RPS6KC1: variants seen among roughly 807,000 people sequenced by gnomAD.
RPS6KC1 encodes ribosomal protein S6 kinase C1, also known as inactive ribosomal protein S6 kinase delta-1.
RPS6KC1 carries 54 observed loss-of-function variants against 103.8 expected under a neutral mutation model. The observed-to-expected ratio is 0.52, with a 90% CI of 0.42 to 0.65. RPS6KC1 has a LOEUF of 0.65. RPS6KC1 is among the 30% of genes least tolerant of loss of function. RPS6KC1 has a pLI of 0.00. For missense variants in RPS6KC1, 1,151 were observed against 1,253.8 expected (o/e 0.92, Z 1.24); for synonymous variants, 439 against 438.7 (o/e 1.00, Z -0.01).
chr1:213,532,546 T>G, the RPS6KC1 span, among the ~76,000 whole-genome samples: 1 of 152,302 alleles, frequency 6.6e-6, no homozygotes, highest in African/African-American at 2.4e-5. Context: ...AGGTTTCTGC[T>G]TACTAAGAAC....
intron 8 of RPS6KC1, among the ~76,000 whole-genome samples, chr1:213,220,154 C>T (rs186639974): frequency 1.9e-4 from 23 of 119,876 alleles, no homozygotes; most frequent in African/African-American, 5.6e-4. Context: ...TTGTATTAAT[C>T]AGGTTTAAAT....
At chr1:213,220,318 T>C (rs1469719544) in intron 8 of RPS6KC1, among the ~76,000 whole-genome samples, 1 of 152,148 alleles carries the variant, frequency 6.6e-6, no homozygotes, top group Non-Finnish European at 1.5e-5. Context: ...CACAAAAAAA[T>C]TGCATCTGTT....
the RPS6KC1 span, among the ~76,000 whole-genome samples, chr1:213,515,679 G>A: frequency 6.6e-6 from 1 of 152,066 alleles, no homozygotes; most frequent in African/African-American, 2.4e-5. Flanking sequence ...CTCCAGCTTT[G>A]TTCTTTTGGC....
the RPS6KC1 span, among the ~76,000 whole-genome samples, chr1:213,720,225 C>T: frequency 3.3e-5 from 5 of 152,184 alleles, no homozygotes; most frequent in African/African-American, 1.2e-4. Flanking sequence ...GGAGCTGATT[C>T]TTGGACCTGA....
At chr1:213,625,659 T>A in the RPS6KC1 span, among the ~76,000 whole-genome samples, 3 of 152,210 alleles carry the variant, frequency 2.0e-5, no homozygotes, top group African/African-American at 7.2e-5. Context: ...AATTCCCACC[T>A]ATGAGTGAGA....
intron 6 of RPS6KC1, among the ~76,000 whole-genome samples, chr1:213,144,697 T>G (rs1258458131): frequency 1.3e-5 from 2 of 152,022 alleles, no homozygotes; most frequent in African/African-American, 4.8e-5. Context: ...ATTACATACT[T>G]TAATAACTGT....
At chr1:213,072,918 T>G in intron 2 of RPS6KC1, 1 of 982,186 alleles carries the variant, frequency 1.0e-6, no homozygotes, top group Non-Finnish European at 1.2e-6. Flanking sequence ...TGCCATTTTC[T>G]TAGTCCTTTT....
At chr1:213,582,086 AC>A in the RPS6KC1 span, among the ~76,000 whole-genome samples, 2 of 138,010 alleles carry the variant, frequency 1.4e-5, no homozygotes, top group African/African-American at 2.7e-5. Context: ...GAGATCAGGG[AC>A]CTTTTTTTTT....
the RPS6KC1 span, among the ~76,000 whole-genome samples, chr1:213,482,344 T>A: frequency 6.6e-6 from 1 of 152,136 alleles, no homozygotes; most frequent in Non-Finnish European, 1.5e-5. Context: ...AGTCATTTTT[T>A]AATTCTCCTT....
At chr1:213,258,167 G>T (rs1296863357) in intron 12 of RPS6KC1, among the ~76,000 whole-genome samples, 1 of 151,946 alleles carries the variant, frequency 6.6e-6, no homozygotes, top group Non-Finnish European at 1.5e-5. Flanking sequence ...ATTTTTAGTA[G>T]AGACGGGGTT....
intron 8 of RPS6KC1, among the ~76,000 whole-genome samples, chr1:213,177,704 A>C (rs1195249318): frequency 1.3e-5 from 2 of 152,092 alleles, no homozygotes; most frequent in East Asian, 3.9e-4. Context: ...TCAGTTTGAG[A>C]GTAGATGAAG....
chr1:213,059,717 G>A (rs1267922874), intron 1 of RPS6KC1, among the ~76,000 whole-genome samples: 1 of 151,810 alleles, frequency 6.6e-6, no homozygotes. Context: ...CTGTTGCCCA[G>A]GCTGGAGTGC....
chr1:213,717,921 G>C, the RPS6KC1 span, among the ~76,000 whole-genome samples: 1 of 152,190 alleles, frequency 6.6e-6, no homozygotes, highest in South Asian at 2.1e-4. Flanking sequence ...GGATTTCCCA[G>C]AGACCCTACT....
the RPS6KC1 span, among the ~76,000 whole-genome samples, chr1:213,521,369 A>G: frequency 6.6e-6 from 1 of 152,256 alleles, no homozygotes; most frequent in African/African-American, 2.4e-5. Context: ...TGCTAATGGT[A>G]ATCTAAGCCT....
chr1:213,402,768 A>G, the RPS6KC1 span, among the ~76,000 whole-genome samples: 1 of 152,072 alleles, frequency 6.6e-6, no homozygotes, highest in Non-Finnish European at 1.5e-5. Flanking sequence ...AGGTGTCTGA[A>G]GAGTTGAATA....
At chr1:213,673,552 G>A in the RPS6KC1 span, among the ~76,000 whole-genome samples, 1 of 152,158 alleles carries the variant, frequency 6.6e-6, no homozygotes. Context: ...CCCTGATCAA[G>A]GTCAGGAACT....
the RPS6KC1 span, among the ~76,000 whole-genome samples, chr1:213,358,028 C>T: frequency 1.3e-5 from 2 of 152,156 alleles, no homozygotes; most frequent in Admixed American, 6.5e-5. Context: ...CTGCTGGATT[C>T]GGTTTGCCAG....
At chr1:213,238,092 A>G (rs2094266280) in intron 10 of RPS6KC1, among the ~76,000 whole-genome samples, 1 of 152,146 alleles carries the variant, frequency 6.6e-6, no homozygotes, top group East Asian at 1.9e-4. Flanking sequence ...GCCTGCAGCT[A>G]TTAAGACTTT....
At chr1:213,441,636 T>C in the RPS6KC1 span, among the ~76,000 whole-genome samples, 2 of 152,254 alleles carry the variant, frequency 1.3e-5, no homozygotes, top group Non-Finnish European at 2.9e-5. Flanking sequence ...TACATAGTGC[T>C]GCGACAGACC....
Sources: allele counts gnomAD v4.1 joint callset (sites outside exome capture counted in the v4.1 genomes callset), GRCh38; gene constraint gnomAD v4.1.1; transcripts MANE v1.5; gene names NCBI Gene and HGNC (gene_info 2026-07-23, HGNC 2026-07-21).